Variants in BLVRA observed in about 807,000 individuals in gnomAD.
BLVRA encodes the protein BVR A.
BLVRA carries 22 observed loss-of-function variants against 32.8 expected under a neutral mutation model. The ratio of observed to expected loss-of-function variants is 0.67; its 90% CI spans 0.48 to 0.96. The LOEUF (loss-of-function observed/expected upper bound fraction) is 0.96. Ranked by LOEUF, BLVRA falls within the 40% of genes least tolerant of loss-of-function variation. The pLI, the probability that BLVRA is intolerant of heterozygous loss-of-function variation, is 0.00. For synonymous variants in BLVRA, 119 were observed against 141.3 expected (o/e 0.84, Z 1.12); for missense variants, 323 against 358.1 (o/e 0.90, Z 0.79).
At chr7:43,769,583 G>C (rs1349566636) in intron 1 of BLVRA, among the ~76,000 whole-genome samples, 1 of 151,986 alleles carries the variant, frequency 6.6e-6, no homozygotes, top group Non-Finnish European at 1.5e-5. Flanking sequence ...GAAGGGAGGG[G>C]AGTTGCCGAA....
chr7:43,766,137 G>C (rs1009440886), intron 1 of BLVRA, among the ~76,000 whole-genome samples: 1 of 151,848 alleles, frequency 6.6e-6, no homozygotes, highest in Non-Finnish European at 1.5e-5. Context: ...AAAATAATTA[G>C]CGTGGTGGTG....
At chr7:43,782,321 A>G (rs1425986654) in intron 2 of BLVRA, among the ~76,000 whole-genome samples, 1 of 152,184 alleles carries the variant, frequency 6.6e-6, no homozygotes, top group Non-Finnish European at 1.5e-5. Flanking sequence ...TGGAGGGAGA[A>G]AGACAGAAGA....
chr7:43,767,628 A>G, intron 1 of BLVRA: 2 of 819,190 alleles, frequency 2.4e-6, no homozygotes, highest in Non-Finnish European at 4.1e-6. Flanking sequence ...ATAGCATTAA[A>G]TTCATTTTTT....
At chr7:43,773,786 C>T (rs1032145931) in intron 2 of BLVRA, among the ~76,000 whole-genome samples, 1 of 152,192 alleles carries the variant, frequency 6.6e-6, no homozygotes, top group African/African-American at 2.4e-5. Context: ...TTCTCCACAT[C>T]CTCTCCAGCA....
chr7:43,800,423 C>CA, intron 5 of BLVRA, 42 bp from the exon 6 acceptor site: 1 of 1,574,116 alleles, frequency 6.4e-7, no homozygotes, highest in Non-Finnish European at 8.7e-7. Flanking sequence ...CACCTAGACA[C>CA]AACTGACGAC....
chr7:43,762,912 C>T (rs569408060), intron 1 of BLVRA, among the ~76,000 whole-genome samples: 200 of 152,160 alleles, frequency 1.3e-3, no homozygotes, highest in Admixed American at 2.0e-3. Flanking sequence ...CCACCGTGCC[C>T]GGCCCTTAAC....
At chr7:43,803,279 G>GAT (rs201889671) in intron 6 of BLVRA, among the ~76,000 whole-genome samples, 24 of 148,636 alleles carry the variant, frequency 1.6e-4, no homozygotes, top group Admixed American at 8.3e-4. Flanking sequence ...CACTAAAGAG[G>GAT]ATATATATAT....
chr7:43,765,321 G>A (rs990807812), intron 1 of BLVRA, among the ~76,000 whole-genome samples: 4 of 151,524 alleles, frequency 2.6e-5, no homozygotes, highest in Non-Finnish European at 5.9e-5. Context: ...GTGTGATCTC[G>A]GCTCACTGCA....
At chr7:43,797,414 C>T (rs142264035) in intron 5 of BLVRA, among the ~76,000 whole-genome samples, 299 of 152,324 alleles carry the variant, frequency 2.0e-3, no homozygotes, top group Middle Eastern at 0.01. Context: ...AATTAAGGTA[C>T]GTACGTTGTT....
chr7:43,771,053 G>T, intron 1 of BLVRA, 85 bp from the exon 2 acceptor site: 1 of 1,138,668 alleles, frequency 8.8e-7, no homozygotes, highest in South Asian at 1.2e-5. Flanking sequence ...AGCAGTGGGG[G>T]AGCATGGGGT....
At chr7:43,789,680 TCACAC>T (rs71897996) in intron 3 of BLVRA, among the ~76,000 whole-genome samples, 40,034 of 151,804 alleles carry the variant, frequency 0.26, 5,769 homozygotes, top group South Asian at 0.44. Context: ...GATGGCCAGG[TCACAC>T]CCCTGCATGA....
chr7:43,803,578 C>A, intron 6 of BLVRA, 98 bp from the exon 7 acceptor site: 1 of 1,373,262 alleles, frequency 7.3e-7, no homozygotes, highest in Non-Finnish European at 1.0e-6. Context: ...ATCACTCGGC[C>A]ACATCTTTTC....
At chr7:43,783,048 G>A (rs545408031) in intron 2 of BLVRA, among the ~76,000 whole-genome samples, 1 of 152,076 alleles carries the variant, frequency 6.6e-6, no homozygotes, top group African/African-American at 2.4e-5. Flanking sequence ...GAAGGGAAGC[G>A]GGAGTGAGCC....
intron 2 of BLVRA, among the ~76,000 whole-genome samples, chr7:43,782,771 G>A (rs2095771536): frequency 6.6e-6 from 1 of 152,206 alleles, no homozygotes; most frequent in Non-Finnish European, 1.5e-5. Context: ...GTAGCATGAG[G>A]TAAGAGAAGA....
intron 1 of BLVRA, among the ~76,000 whole-genome samples, chr7:43,770,667 G>A (rs746495695): frequency 1.3e-4 from 20 of 152,132 alleles, no homozygotes; most frequent in Non-Finnish European, 2.2e-4. Flanking sequence ...CTGAGGGTCC[G>A]GAGCGGCTTC....
intron 5 of BLVRA, among the ~76,000 whole-genome samples, chr7:43,795,762 GTT>G (rs199731860): frequency 6.6e-6 from 1 of 151,616 alleles, no homozygotes; most frequent in African/African-American, 2.4e-5. Context: ...ACAAAACCAA[GTT>G]TTTTTGAAAA....
At chr7:43,806,267 G>A (rs995386760) in intron 7 of BLVRA, among the ~76,000 whole-genome samples, 1 of 152,158 alleles carries the variant, frequency 6.6e-6, no homozygotes, top group African/African-American at 2.4e-5. Flanking sequence ...AGCCGAGATT[G>A]CACCACTGCA....
rs544821610 is a variant in BLVRA at position 43,783,282 on chromosome 7, G to A, written c.13-4622G>A. 1.1e-4 allele frequency among the ~76,000 whole-genome samples: 17 copies of A among 152,170 alleles called. No individual in the cohort carries two copies. In the South Asian group the frequency reaches 2.5e-3, roughly 22 times the overall value. On this transcript the variant is annotated intron_variant, in intron 2 of 7. Coordinates refer to ENST00000265523, the MANE Select transcript of BLVRA (RefSeq NM_000712.4). ...TTCTTGCTCCCAGCAAGAGCATGTC[G>A]CCAGTTTCAGTGTTACAGGTTTCTG... is the stretch of plus-strand genomic sequence containing the variant.
chr7:43,788,666 A>G (rs546864057), intron 3 of BLVRA, among the ~76,000 whole-genome samples: 2 of 152,196 alleles, frequency 1.3e-5, no homozygotes, highest in East Asian at 3.9e-4. Context: ...CTGCAGCGCA[A>G]TGGTGCAATC....
Sources: allele counts gnomAD v4.1 joint callset (sites outside exome capture counted in the v4.1 genomes callset), GRCh38; gene constraint gnomAD v4.1.1; transcripts MANE v1.5; gene names NCBI Gene and HGNC (gene_info 2026-07-23, HGNC 2026-07-21).